The following SLIT1 variants were observed in gnomAD, a reference collection of about 807,000 sequenced individuals.
SLIT1 encodes the protein slit homolog 1 protein.
In SLIT1, 66 loss-of-function variants were observed where a neutral mutation model predicts 186.1. The ratio of observed to expected loss-of-function variants is 0.35; its 90% CI spans 0.29 to 0.44. SLIT1 has a LOEUF of 0.44. Among genes scored for constraint, SLIT1 ranks in the 20% least tolerant of loss-of-function variants. The pLI, the probability that SLIT1 is intolerant of heterozygous loss-of-function variation, is 1.00. For missense variants in SLIT1, 1,638 were observed against 2,037.4 expected, an observed-to-expected ratio of 0.80 and a Z score of 3.77; for synonymous variants, 761 against 833.8, an observed-to-expected ratio of 0.91 and a Z score of 1.50.
chr10:97,104,163 G>A (rs982808005), intron 4 of SLIT1, among the ~76,000 whole-genome samples: 6 of 152,120 alleles, frequency 3.9e-5, no homozygotes, highest in Non-Finnish European at 8.8e-5. Context: ...TGGCAGGGAA[G>A]GCCTTTGATC....
intron 3 of SLIT1, among the ~76,000 whole-genome samples, chr10:97,160,717 T>C (rs1850013652): frequency 6.6e-6 from 1 of 152,132 alleles, no homozygotes; most frequent in Non-Finnish European, 1.5e-5. Flanking sequence ...GTTGTTGTTA[T>C]TGTTGTTGTT....
chr10:97,059,201 C>T (rs1008321566), intron 11 of SLIT1, among the ~76,000 whole-genome samples: 2 of 152,230 alleles, frequency 1.3e-5, no homozygotes, highest in East Asian at 1.9e-4. Flanking sequence ...ATCCCAGTTG[C>T]CAGGGGCAAC....
chr10:97,144,319 T>C (rs1158194538), intron 4 of SLIT1, among the ~76,000 whole-genome samples: 1 of 152,152 alleles, frequency 6.6e-6, no homozygotes, highest in Non-Finnish European at 1.5e-5. Context: ...ATCAAGAATT[T>C]AAGGGTAGTA....
At chr10:97,050,335 G>C (rs1320550571) in intron 13 of SLIT1, among the ~76,000 whole-genome samples, 2 of 152,158 alleles carry the variant, frequency 1.3e-5, no homozygotes, top group South Asian at 4.1e-4. Flanking sequence ...CCCTTGCCCA[G>C]GGTCTGTGCC....
chr10:97,037,849 G>GGGAA, intron 21 of SLIT1, 83 bp from the exon 22 acceptor site: 7 of 1,148,182 alleles, frequency 6.1e-6, no homozygotes, highest in Admixed American at 2.0e-5. Context: ...CCTGCAGCCA[G>GGGAA]GGACTTCGCT....
intron 4 of SLIT1, among the ~76,000 whole-genome samples, chr10:97,085,873 C>T (rs1849154286): frequency 6.6e-6 from 1 of 152,162 alleles, no homozygotes; most frequent in South Asian, 2.1e-4. Flanking sequence ...AAAACTAGCC[C>T]TTGGGAGGGG....
At chr10:97,167,737 C>T (rs1339598853) in intron 1 of SLIT1, among the ~76,000 whole-genome samples, 2 of 152,144 alleles carry the variant, frequency 1.3e-5, no homozygotes, top group African/African-American at 4.8e-5. Context: ...GGGAGGGAGC[C>T]GGTGGGAGGT....
intron 4 of SLIT1, among the ~76,000 whole-genome samples, chr10:97,141,137 A>T (rs1849753519): frequency 6.6e-6 from 1 of 152,138 alleles, no homozygotes; most frequent in African/African-American, 2.4e-5. Flanking sequence ...CAGCTCCAGC[A>T]CGCAGTTCTG....
At chr10:97,032,494 G>T (rs1286719551) in intron 23 of SLIT1, among the ~76,000 whole-genome samples, 1 of 151,928 alleles carries the variant, frequency 6.6e-6, no homozygotes, top group Non-Finnish European at 1.5e-5. Flanking sequence ...ACTTGAATCT[G>T]GGAGGCAGAG....
chr10:97,017,226 C>T (rs1489991162), intron 28 of SLIT1, among the ~76,000 whole-genome samples: 1 of 152,128 alleles, frequency 6.6e-6, no homozygotes, highest in Non-Finnish European at 1.5e-5. Flanking sequence ...TCACCGAAGC[C>T]CCGAGGAGGC....
chr10:97,032,197 C>T (rs1848597232), intron 23 of SLIT1, among the ~76,000 whole-genome samples: 1 of 152,306 alleles, frequency 6.6e-6, no homozygotes, highest in Non-Finnish European at 1.5e-5. Context: ...GAGGAAGGTG[C>T]TGTCACTATT....
chr10:97,164,875 G>A lies in SLIT1; in HGVS notation c.213C>T (p.Asn71=), dbSNP rs1240242804. ...RNTERLELNG[N]NITRIHKNDF... The stretch of plus-strand genomic sequence containing the variant: ...CATTCTTATGGATCCGAGTGATGTT[G>A]TTGCCATTGAGTTCCCTGGAGGAAG... The change falls in exon 2 of 37, where the codon AAC becomes AAT. Residue 71 remains asparagine (N), a synonymous_variant. Transcript: ENST00000266058. 6.2e-7 allele frequency: 1 copy of A among 1,613,438 alleles called. No homozygotes were observed. The highest frequency in any genetic ancestry group is 1.1e-5 in the South Asian group (1 of 91,076).
At chr10:97,039,835 T>G (rs572625605) in intron 21 of SLIT1, among the ~76,000 whole-genome samples, 153 bp downstream of exon 21, 1 of 152,362 alleles carries the variant, frequency 6.6e-6, no homozygotes, top group East Asian at 1.9e-4. Context: ...AGGCAGTGTT[T>G]TCTGCAAAGC....
intron 4 of SLIT1, chr10:97,155,086 A>C (rs1436342133): frequency 1.3e-5 from 2 of 152,216 alleles, no homozygotes; most frequent in African/African-American, 4.8e-5. Flanking sequence ...GCTCACCCTG[A>C]GTTATCAGGG....
In SLIT1 at chr10:97,047,732, A is replaced by T; in HGVS notation, c.1592T>A (p.Leu531His). The part of the protein sequence containing the change: ...ANVVECSSLK[L>H]TKIPERIPQS... ...GGGGATGCGCTCAGGGATCTTGGTG[A>T]GCTTCAGGCTGGAGCACTCCACCAC... Residue 531 changes from leucine to histidine, a missense_variant, in exon 16 of 37, where the codon CTC (leucine) becomes CAC (histidine). Leu to His is a moderately conservative substitution (Grantham distance 99). Transcript: ENST00000266058. 6.2e-7 allele frequency: 1 copy of T among 1,613,950 alleles called. No homozygotes were observed. The highest frequency in any genetic ancestry group is 8.5e-7 in the Non-Finnish European group (1 of 1,180,014).
chr10:97,169,647 T>C (rs923222803), intron 1 of SLIT1, among the ~76,000 whole-genome samples: 7 of 152,080 alleles, frequency 4.6e-5, no homozygotes, highest in African/African-American at 1.7e-4. Flanking sequence ...CAGCCTCGAG[T>C]GTCAGGAAGA....
intron 1 of SLIT1, among the ~76,000 whole-genome samples, chr10:97,171,179 T>C (rs980590259): frequency 2.0e-5 from 3 of 152,020 alleles, no homozygotes; most frequent in Non-Finnish European, 4.4e-5. Context: ...GCGCTGAGAG[T>C]GTGCAGAGTC....
At position 97,019,240 on chromosome 10, in the gene SLIT1, A is replaced by G. The variant is rs972653485; in HGVS notation, c.2747-133T>C. ...CCTGATTTTTCCCCAGATCGTGCTC[A>G]CACTCCCCTTGCACTGCCCACCTTT... On this transcript the variant is annotated intron_variant, in intron 26 of 36. Transcript: ENST00000266058. 30 of 638,732 alleles carry G rather than the reference A, an allele frequency of 4.7e-5. No homozygotes were observed. In the African/African-American group the frequency reaches 5.2e-4, roughly 11 times the overall value. The allele number at this position is 638,732 out of a possible 1,614,324, so 39.6% of individuals were successfully genotyped here.
intron 4 of SLIT1, among the ~76,000 whole-genome samples, chr10:97,110,917 G>A (rs1055885415): frequency 3.9e-5 from 6 of 152,202 alleles, no homozygotes; most frequent in Admixed American, 3.9e-4. Context: ...TCAAAAAGAG[G>A]GTTGGCTGGG....
Sources: gnomAD v4.1 joint callset for allele counts (sites outside exome capture counted in the v4.1 genomes callset) on GRCh38, gnomAD v4.1.1 for gene constraint, MANE v1.5 for transcripts, NCBI Gene and HGNC (gene_info 2026-07-23, HGNC 2026-07-21) for gene names.